The following RCBTB1 variants were observed in gnomAD, a reference collection of about 807,000 sequenced individuals.
RCBTB1 encodes the protein RCC1 and BTB domain containing protein 1, also known as RCC1 and BTB domain-containing protein 1.
RCBTB1 carries 46 observed loss-of-function variants against 62.4 expected under a neutral mutation model. The observed-to-expected ratio is 0.74, with a 90% CI of 0.58 to 0.94. The LOEUF is 0.94. RCBTB1 is among the 40% of genes least tolerant of loss of function. RCBTB1 has a pLI of 0.00. For synonymous variants in RCBTB1, 222 were observed against 245.8 expected, an observed-to-expected ratio of 0.90 and a Z score of 0.91; for missense variants, 565 against 654.9, an observed-to-expected ratio of 0.86 and a Z score of 1.50.
chr13:49,580,298 T>C (rs1038660997), intron 2 of RCBTB1, among the ~76,000 whole-genome samples: 7 of 152,106 alleles, frequency 4.6e-5, no homozygotes, highest in Non-Finnish European at 5.9e-5. Context: ...AAGAAATGGA[T>C]AGATGGCTGG....
rs887318568 is a variant in RCBTB1 at position 49,540,806 on chromosome 13, G to A, written c.1455+70C>T. On this transcript the variant is annotated intron_variant, in intron 12 of 12. Coordinates refer to ENST00000378302, the MANE Select transcript of RCBTB1 (RefSeq NM_018191.4). ...TGACTCATCGTTTTCCATGCCTCAC[G>A]CAAGAAGCGGGGGAGACGAGCACAA... is the stretch of plus-strand genomic sequence containing the variant. 5 of 1,525,212 alleles carry A rather than the reference G, an allele frequency of 3.3e-6. No individual in the cohort carries two copies. The East Asian group carries it at 9.5e-5, about 29-fold the overall frequency. The allele number at this position is 1,525,212 out of a possible 1,614,324, so 94.5% of individuals were successfully genotyped here. A position where few individuals can be genotyped will look rare whatever the true frequency, so the allele number is the denominator to read the frequency against.
intron 2 of RCBTB1, among the ~76,000 whole-genome samples, chr13:49,570,257 A>G (rs894477641): frequency 1.3e-5 from 2 of 152,248 alleles, no homozygotes; most frequent in Non-Finnish European, 2.9e-5. Flanking sequence ...ACTCTGCCCT[A>G]AGGGTTTGGT....
chr13:49,548,496 C>A (rs976970655), intron 9 of RCBTB1, among the ~76,000 whole-genome samples: 10 of 151,268 alleles, frequency 6.6e-5, no homozygotes, highest in South Asian at 2.1e-4. Flanking sequence ...TACCCAAAAA[C>A]TTATACAAGA....
chr13:49,543,685 GAA>G (rs1960572105), intron 10 of RCBTB1, among the ~76,000 whole-genome samples: 1 of 152,048 alleles, frequency 6.6e-6, no homozygotes, highest in Admixed American at 6.5e-5. Context: ...TTTATACAAG[GAA>G]CTATATCTTA....
At chr13:49,559,012 T>C (rs1045355103) in intron 5 of RCBTB1, among the ~76,000 whole-genome samples, 3 of 152,246 alleles carry the variant, frequency 2.0e-5, no homozygotes, top group African/African-American at 7.2e-5. Context: ...AGAAGTGGTT[T>C]GGGTCTTCAG....
chr13:49,549,840 C>A (rs1014012547), intron 8 of RCBTB1, 192 bp from the exon 9 acceptor site: 1 of 985,222 alleles, frequency 1.0e-6, no homozygotes, highest in African/African-American at 1.7e-5. Flanking sequence ...TTCCCAAATG[C>A]CCACTTCTCA....
intron 5 of RCBTB1, among the ~76,000 whole-genome samples, chr13:49,556,843 A>C (rs971243823): frequency 2.0e-5 from 3 of 152,240 alleles, no homozygotes; most frequent in Non-Finnish European, 2.9e-5. Flanking sequence ...AAAGTACCAT[A>C]TGCTTAAGAT....
At chr13:49,558,029 G>A (rs545022219) in intron 5 of RCBTB1, among the ~76,000 whole-genome samples, 6 of 152,298 alleles carry the variant, frequency 3.9e-5, no homozygotes, top group South Asian at 2.1e-4. Context: ...CTTGAAAAAC[G>A]TCATTTCATT....
At chr13:49,541,043 A>G in intron 11 of RCBTB1, 37 bp from the exon 12 acceptor site, 4 of 1,586,916 alleles carry the variant, frequency 2.5e-6, no homozygotes, top group Non-Finnish European at 3.4e-6. Context: ...AATCAAATGT[A>G]TAATAATTTC....
chr13:49,535,015 C>T (rs541279300), intron 12 of RCBTB1, among the ~76,000 whole-genome samples: 8 of 152,152 alleles, frequency 5.3e-5, no homozygotes, highest in African/African-American at 9.6e-5. Context: ...GCCTGGGTGA[C>T]AGAGCAGAGG....
intron 2 of RCBTB1, among the ~76,000 whole-genome samples, chr13:49,574,135 G>A (rs12561475): frequency 0.23 from 33,648 of 144,080 alleles, 4,581 homozygotes; most frequent in East Asian, 0.56. Flanking sequence ...GGGGGTGGGG[G>A]GTGGACAGAG....
chr13:49,541,588 C>T (rs1202373663), intron 11 of RCBTB1, 88 bp downstream of exon 11: 1 of 1,304,384 alleles, frequency 7.7e-7, no homozygotes, highest in Admixed American at 2.6e-5. Context: ...AGCCAATACA[C>T]CTGAAGCTTT....
At chr13:49,576,389 G>A (rs1313708317) in intron 2 of RCBTB1, among the ~76,000 whole-genome samples, 2 of 151,872 alleles carry the variant, frequency 1.3e-5, no homozygotes, top group Non-Finnish European at 2.9e-5. Flanking sequence ...CTTTTATCAA[G>A]ACTGCATTAA....
At chr13:49,550,231 G>A (rs1961210549) in intron 8 of RCBTB1, among the ~76,000 whole-genome samples, 2 of 152,068 alleles carry the variant, frequency 1.3e-5, no homozygotes, top group Non-Finnish European at 2.9e-5. Flanking sequence ...CTCTGCCTTC[G>A]CCTCCCAAAG....
chr13:49,542,774 ACACT>A (rs1181028699), intron 10 of RCBTB1, among the ~76,000 whole-genome samples: 1 of 151,964 alleles, frequency 6.6e-6, no homozygotes, highest in Non-Finnish European at 1.5e-5. Context: ...TATTTATAAA[ACACT>A]CACATCCACT....
chr13:49,561,721 G>A (rs1461455266), intron 4 of RCBTB1, among the ~76,000 whole-genome samples: 2 of 150,004 alleles, frequency 1.3e-5, no homozygotes, highest in African/African-American at 2.5e-5. Context: ...TTAATGGGAA[G>A]AATAAACAAA....
chr13:49,548,409 AAG>A (rs1352491043), intron 9 of RCBTB1, among the ~76,000 whole-genome samples: 2 of 151,676 alleles, frequency 1.3e-5, no homozygotes, highest in Non-Finnish European at 2.9e-5. Flanking sequence ...AAAAAAAGAA[AAG>A]AAAGTTCATC....
chr13:49,553,156 T>C (rs987763991), intron 6 of RCBTB1, among the ~76,000 whole-genome samples: 2 of 152,066 alleles, frequency 1.3e-5, no homozygotes, highest in African/African-American at 4.8e-5. Context: ...TACTCCAGCC[T>C]GGCAACAACA....
intron 9 of RCBTB1, among the ~76,000 whole-genome samples, chr13:49,547,520 A>G (rs1960905649): frequency 6.6e-6 from 1 of 152,222 alleles, no homozygotes; most frequent in Non-Finnish European, 1.5e-5. Flanking sequence ...AAACATAAAC[A>G]AGAAATAAAA....
Sources: gnomAD v4.1 joint callset for allele counts (sites outside exome capture counted in the v4.1 genomes callset) on GRCh38, gnomAD v4.1.1 for gene constraint, MANE v1.5 for transcripts, NCBI Gene and HGNC (gene_info 2026-07-23, HGNC 2026-07-21) for gene names.